The following MYO1B variants were observed in gnomAD, a reference collection of about 807,000 sequenced individuals.
The protein encoded by MYO1B is myosin IB.
A neutral mutation model predicts 159.7 loss-of-function variants in MYO1B; 72 were observed. The observed-to-expected ratio is 0.45, with a 90% CI of 0.37 to 0.55. MYO1B has a LOEUF of 0.55. Ranked by LOEUF, MYO1B falls within the 20% of genes least tolerant of loss-of-function variation. MYO1B has a pLI of 0.00. For synonymous variants in MYO1B, 468 were observed against 473.8 expected (o/e 0.99, Z 0.16); for missense variants, 1,062 against 1,364.8 (o/e 0.78, Z 3.50).
Position 191,390,479 on chromosome 2 carries a change from A to C in MYO1B, c.1969A>C (p.Lys657Gln), listed in dbSNP as rs754453637. The change falls in exon 18 of 31, where the codon AAA (lysine) becomes CAA (glutamine). Residue 657 changes from lysine to glutamine, a missense_variant. Physicochemically the swap from Lys to Gln is moderately conservative, Grantham distance 53 (BLOSUM62 1). Coordinates refer to ENST00000392318, the MANE Select transcript of MYO1B (RefSeq NM_001130158.3). Reference sequence around the variant, plus strand: ...TTGTAAACAAACATGGCCTCATTGGAAAGGACCAGCCAGGTAAGAAATTCA... The same window carrying C: ...TTGTAAACAAACATGGCCTCATTGGCAAGGACCAGCCAGGTAAGAAATTCA... ...MLCKQTWPHW[K>Q]GPARSGVEVL... 1 of 1,613,668 alleles carries C rather than the reference A, an allele frequency of 6.2e-7. No homozygotes were observed. Among genetic ancestry groups the C allele is most frequent in the African/African-American group, 1.3e-5 (1 of 74,948 alleles).
At chr2:191,304,814 C>T (rs1574385415) in intron 3 of MYO1B, among the ~76,000 whole-genome samples, 1 of 152,274 alleles carries the variant, frequency 6.6e-6, no homozygotes, top group Non-Finnish European at 1.5e-5. Context: ...TCTAGACCCT[C>T]AATTAGAGTT....
intron 19 of MYO1B, among the ~76,000 whole-genome samples, chr2:191,392,565 A>G (rs1695820402): frequency 6.6e-6 from 1 of 152,220 alleles, no homozygotes; most frequent in Non-Finnish European, 1.5e-5. Flanking sequence ...ATTTAGAGGT[A>G]CAGGAAAGCA....
rs1698100355 is a variant in MYO1B at position 191,423,922 on chromosome 2, C to T, written c.3373C>T (p.Arg1125Ter). 6.2e-7 allele frequency: 1 copy of T among 1,613,726 alleles called. No homozygotes were observed. The change falls in exon 31 of 31, where the codon CGA becomes TGA. Residue 1125 changes from arginine (R) to a stop codon, truncating the protein, a stop_gained. Transcript: ENST00000392318. LOFTEE classifies it high-confidence loss of function. ...QKNGSVPTCK[R>*]KNNRLLEVAV... ...AAATGGGAGTGTCCCAACATGTAAA[C>T]GAAAAAACAACCGTCTCCTTGAAGT... is the stretch of plus-strand genomic sequence containing the variant.
At chr2:191,273,264 G>C (rs1574311108) in intron 1 of MYO1B, among the ~76,000 whole-genome samples, 1 of 152,118 alleles carries the variant, frequency 6.6e-6, no homozygotes. Flanking sequence ...TGGGATTACA[G>C]GGGTGTGCCA....
chr2:191,349,543 CTA>C (rs1692779957), intron 6 of MYO1B, among the ~76,000 whole-genome samples: 1 of 152,166 alleles, frequency 6.6e-6, no homozygotes, highest in Non-Finnish European at 1.5e-5. Flanking sequence ...ATATTAAACT[CTA>C]TGTGTGTTTC....
At chr2:191,344,693 AGTGGC>A (rs1458762379) in intron 5 of MYO1B, among the ~76,000 whole-genome samples, 2 of 150,910 alleles carry the variant, frequency 1.3e-5, no homozygotes, top group Non-Finnish European at 3.0e-5. Flanking sequence ...AGCCGGGCGT[AGTGGC>A]GGGCGCCTGT....
chr2:191,280,354 A>G (rs1687984765), intron 2 of MYO1B, among the ~76,000 whole-genome samples: 1 of 152,218 alleles, frequency 6.6e-6, no homozygotes, highest in African/African-American at 2.4e-5. Context: ...TTCTGCTTTC[A>G]CAATTGGTTT....
At chr2:191,396,680 A>G (rs561875023) in intron 21 of MYO1B, among the ~76,000 whole-genome samples, 183 bp downstream of exon 21, 226 of 152,292 alleles carry the variant, frequency 1.5e-3, no homozygotes, top group African/African-American at 5.3e-3. Context: ...TGTCTTGGCC[A>G]CTTCCTTCTA....
chr2:191,373,762 A>T (rs560565777), intron 13 of MYO1B, among the ~76,000 whole-genome samples: 310 of 152,286 alleles, frequency 2.0e-3, no homozygotes, highest in African/African-American at 7.2e-3. Flanking sequence ...AATCAGTTAT[A>T]TGTCTATAGC....
At chr2:191,329,601 AT>A (rs1012661048) in intron 3 of MYO1B, among the ~76,000 whole-genome samples, 14 of 147,704 alleles carry the variant, frequency 9.5e-5, no homozygotes, top group African/African-American at 2.9e-4. Flanking sequence ...TATATAAATA[AT>A]TTCATATAAA....
chr2:191,354,789 T>C (rs1693164529), intron 7 of MYO1B, among the ~76,000 whole-genome samples: 2 of 152,210 alleles, frequency 1.3e-5, no homozygotes, highest in Admixed American at 6.5e-5. Flanking sequence ...TCACTTCTGC[T>C]GTACTCTATG....
intron 2 of MYO1B, among the ~76,000 whole-genome samples, chr2:191,282,311 C>G (rs1688108286): frequency 6.6e-6 from 1 of 152,184 alleles, no homozygotes. Flanking sequence ...TCAGGATTTT[C>G]CCAGCTGTAG....
At chr2:191,398,476 T>C (rs1344181716) in intron 21 of MYO1B, among the ~76,000 whole-genome samples, 1 of 129,768 alleles carries the variant, frequency 7.7e-6, no homozygotes, top group Non-Finnish European at 1.6e-5. Flanking sequence ...CCAGACGGGG[T>C]GGCTGCCGGA....
At chr2:191,357,287 T>C (rs115332569) in intron 7 of MYO1B, among the ~76,000 whole-genome samples, 2,714 of 152,348 alleles carry the variant, frequency 0.018, 39 homozygotes, top group Middle Eastern at 0.044. Flanking sequence ...CAGGCACTTA[T>C]ACGTGTTGTG....
rs73060769 is a variant in MYO1B, at chr2:191,401,279, A to G, written c.2469+444A>G. On this transcript the variant is annotated intron_variant, in intron 23 of 30. Coordinates refer to ENST00000392318, the MANE Select transcript of MYO1B (RefSeq NM_001130158.3). The stretch of plus-strand genomic sequence containing the variant: ...ACATATGTCTTAAAAATATTAATTT[A>G]TGAATGAAATTTTTTTTTAGGCTCA... 9.3e-3 allele frequency among the ~76,000 whole-genome samples: 1,418 copies of G among 152,304 alleles called. 22 individuals are homozygous for G. The highest frequency in any genetic ancestry group is 0.032 in the African/African-American group (1,349 of 41,546).
chr2:191,322,216 G>A (rs887064270), intron 3 of MYO1B, among the ~76,000 whole-genome samples: 1 of 152,144 alleles, frequency 6.6e-6, no homozygotes, highest in Non-Finnish European at 1.5e-5. Context: ...TTTGAAGCAA[G>A]TTTCAGAAGG....
chr2:191,320,202 C>T (rs1322381579), intron 3 of MYO1B, among the ~76,000 whole-genome samples: 2 of 152,138 alleles, frequency 1.3e-5, no homozygotes, highest in Non-Finnish European at 2.9e-5. Context: ...GACTTGTCCT[C>T]ACATCACTAA....
chr2:191,308,837 A>G (rs1043069913), intron 3 of MYO1B, among the ~76,000 whole-genome samples: 1 of 152,190 alleles, frequency 6.6e-6, no homozygotes, highest in Non-Finnish European at 1.5e-5. Context: ...AACATTTGAC[A>G]ACATGACCAG....
intron 2 of MYO1B, among the ~76,000 whole-genome samples, chr2:191,286,704 G>A (rs971044483): frequency 5.9e-5 from 9 of 152,100 alleles, no homozygotes; most frequent in South Asian, 4.2e-4. Flanking sequence ...AGTCTGAGGC[G>A]GGCCGATTGC....
Sources: allele counts gnomAD v4.1 joint callset (sites outside exome capture counted in the v4.1 genomes callset), GRCh38; gene constraint gnomAD v4.1.1; transcripts MANE v1.5; gene names NCBI Gene and HGNC (gene_info 2026-07-23, HGNC 2026-07-21).